TTC3: variants seen among roughly 807,000 people sequenced by gnomAD.
TTC3 encodes the protein E3 ubiquitin-protein ligase TTC3.
A neutral mutation model predicts 249.6 loss-of-function variants in TTC3; 180 were observed. The observed-to-expected ratio is 0.72, with a 90% CI of 0.64 to 0.82. The LOEUF (loss-of-function observed/expected upper bound fraction) is 0.82, where lower values mean the gene tolerates loss of function less well. TTC3 is among the 40% of genes least tolerant of loss of function. TTC3 has a pLI of 0.00. For synonymous variants in TTC3, 717 were observed against 805.0 expected (o/e 0.89, Z 1.85); for missense variants, 2,061 against 2,398.4 (o/e 0.86, Z 2.94).
intron 29 of TTC3, among the ~76,000 whole-genome samples, chr21:37,160,171 G>T (rs1335160557): frequency 6.6e-6 from 1 of 152,198 alleles, no homozygotes; most frequent in Admixed American, 6.5e-5. Context: ...GTCTTCCTTA[G>T]TAGTTTGCAG....
At chr21:37,122,020 C>G in intron 12 of TTC3, 41 bp downstream of exon 12, 1 of 1,538,358 alleles carries the variant, frequency 6.5e-7, no homozygotes. Flanking sequence ...TCTTAATTCC[C>G]TTTCAAACTT....
At chr21:37,185,750 A>G (rs1473602889) in exon 37 of TTC3, 7 of 1,555,352 alleles carry the variant, frequency 4.5e-6, no homozygotes, top group Admixed American at 3.9e-5. Context: ...CATGAATTAC[A>G]TCTGGATCAG....
intron 20 of TTC3, among the ~76,000 whole-genome samples, chr21:37,141,930 T>A (rs1432655747): frequency 2.6e-5 from 4 of 152,236 alleles, no homozygotes; most frequent in Non-Finnish European, 5.9e-5. Flanking sequence ...ATCCCTGGGA[T>A]GCAAGGCTGG....
chr21:37,187,256 A>T, intron 38 of TTC3, 111 bp downstream of exon 38: 1 of 764,780 alleles, frequency 1.3e-6, no homozygotes, highest in South Asian at 1.9e-5. Context: ...TGCATAAAGG[A>T]TATCCTGTAA....
intron 15 of TTC3, 58 bp from the exon 16 acceptor site, chr21:37,128,945 C>A: frequency 7.6e-7 from 1 of 1,317,936 alleles, no homozygotes; most frequent in Non-Finnish European, 1.0e-6. Context: ...TAGTTTTACT[C>A]TCAGGCTTGT....
At chr21:37,123,558 G>A (rs1035024667) in intron 13 of TTC3, among the ~76,000 whole-genome samples, 12 of 152,132 alleles carry the variant, frequency 7.9e-5, no homozygotes, top group East Asian at 5.8e-4. Flanking sequence ...TACTTATTTG[G>A]CAATTAAAAC....
intron 17 of TTC3, among the ~76,000 whole-genome samples, chr21:37,133,899 TTTTTAAGCC>T (rs1318066611): frequency 6.6e-6 from 1 of 152,062 alleles, no homozygotes; most frequent in African/African-American, 2.4e-5. Flanking sequence ...TTTGTTTTCT[TTTTTAAGCC>T]TCTCACTAGT....
intron 32 of TTC3, 95 bp from the exon 33 acceptor site, chr21:37,165,455 C>T: frequency 1.1e-6 from 1 of 909,724 alleles, no homozygotes; most frequent in Non-Finnish European, 1.7e-6. Context: ...AAAAGTGAAA[C>T]AGTGTTTTCC....
chr21:37,156,341 T>C (rs1020814113), intron 27 of TTC3, among the ~76,000 whole-genome samples: 1 of 152,134 alleles, frequency 6.6e-6, no homozygotes, highest in Admixed American at 6.5e-5. Flanking sequence ...CTGGCCTCAT[T>C]GTTATATTTT....
In TTC3 at chr21:37,162,075, T is replaced by C; in HGVS notation, c.3170+12T>C. 1 of 1,500,406 alleles carries C rather than the reference T, an allele frequency of 6.7e-7. No homozygotes were observed. Among genetic ancestry groups the C allele is most frequent in the Non-Finnish European group, 9.0e-7 (1 of 1,110,396 alleles). 92.9% of individuals were successfully genotyped at this position (1,500,406 alleles called of 1,614,324 possible). A position where few individuals can be genotyped will look rare whatever the true frequency, so the allele number is the denominator to read the frequency against. On this transcript the variant is annotated intron_variant, in intron 31 of 45. Transcript: ENST00000355666. ...AGTGAAGACCATAGGTAAGTATAAT[T>C]TTTAAATTTTTGCTTCATTTTAACT...
At chr21:37,082,551 G>A in intron 1 of TTC3, 1 of 985,296 alleles carries the variant, frequency 1.0e-6, no homozygotes, top group Non-Finnish European at 1.2e-6. Context: ...TTCTGGCCCA[G>A]GGCTCAGTGT....
intron 42 of TTC3, among the ~76,000 whole-genome samples, chr21:37,196,978 A>G (rs992436296): frequency 2.6e-5 from 4 of 152,158 alleles, no homozygotes; most frequent in Non-Finnish European, 5.9e-5. Context: ...GGTTGTTACG[A>G]GGGGGACAGA....
intron 11 of TTC3, among the ~76,000 whole-genome samples, chr21:37,110,466 A>G (rs1423640875): frequency 2.6e-5 from 4 of 152,244 alleles, no homozygotes; most frequent in African/African-American, 4.8e-5. Context: ...CAGCGATGGA[A>G]GATGAAATGA....
At chr21:37,139,893 T>G (rs563067997) in intron 19 of TTC3, among the ~76,000 whole-genome samples, 1 of 152,360 alleles carries the variant, frequency 6.6e-6, no homozygotes, top group African/African-American at 2.4e-5. Context: ...GTTTTTAGAA[T>G]GCCTCCTTTG....
intron 25 of TTC3, among the ~76,000 whole-genome samples, chr21:37,151,131 C>A (rs568644035): frequency 8.9e-4 from 135 of 152,104 alleles, no homozygotes; most frequent in Non-Finnish European, 1.6e-3. Context: ...AAAATTATAA[C>A]ATTTGATGCT....
chr21:37,087,939 C>A, intron 3 of TTC3, 64 bp downstream of exon 3: 1 of 1,273,552 alleles, frequency 7.9e-7, no homozygotes, highest in Non-Finnish European at 1.1e-6. Context: ...TCCATCCATC[C>A]TGTCATAGCA....
Position 37,187,045 on chromosome 21 carries a change from G to C in TTC3, c.4827-4G>C. ...AAGTTTTTTTTTTCCTTCAATATTT[G>C]TAGCAACACACTTACAAATGAGAAA... is the stretch of plus-strand genomic sequence containing the variant. On this transcript the variant is annotated splice_region_variant and splice_polypyrimidine_tract_variant and intron_variant, in intron 37 of 45. Coordinates refer to ENST00000355666, the Ensembl canonical transcript of TTC3. 3 of 1,506,050 alleles carry C rather than the reference G, an allele frequency of 2.0e-6. No homozygotes were observed. Among genetic ancestry groups the C allele is most frequent in the Non-Finnish European group, 2.7e-6 (3 of 1,127,528 alleles). 93.3% of individuals were successfully genotyped at this position (1,506,050 alleles called of 1,614,324 possible).
intron 7 of TTC3, chr21:37,093,398 A>AG (rs1385834425): frequency 5.4e-5 from 8 of 148,704 alleles, no homozygotes; most frequent in African/African-American, 2.0e-4. Context: ...AAAAAAAAAA[A>AG]AAAAGGAAAT....
At chr21:37,145,629 A>G (rs1421436443) in intron 21 of TTC3, among the ~76,000 whole-genome samples, 3 of 152,248 alleles carry the variant, frequency 2.0e-5, no homozygotes, top group Non-Finnish European at 4.4e-5. Flanking sequence ...GCTATAAAGA[A>G]GTACCTGAGA....
Sources: gnomAD v4.1 joint callset for allele counts (sites outside exome capture counted in the v4.1 genomes callset) on GRCh38, gnomAD v4.1.1 for gene constraint, MANE v1.5 for transcripts, NCBI Gene and HGNC (gene_info 2026-07-23, HGNC 2026-07-21) for gene names.